SPTBN5: variants seen among roughly 807,000 people sequenced by gnomAD.
The protein encoded by SPTBN5 is spectrin beta, non-erythrocytic 5, also known as spectrin beta chain, non-erythrocytic 5.
In SPTBN5, 513 loss-of-function variants were observed where a neutral mutation model predicts 477.6. The ratio of observed to expected loss-of-function variants is 1.07; its 90% confidence interval spans 1.00 to 1.16. SPTBN5 has a LOEUF of 1.16. SPTBN5 is among the 50% of genes most tolerant of loss of function. The probability of loss-of-function intolerance (pLI) is 0.00; values close to 1 mark genes in which losing one functional copy is unlikely to be tolerated. For missense variants in SPTBN5, 5,062 were observed against 4,731.8 expected (o/e 1.07, Z -2.05); for synonymous variants, 2,169 against 2,011.7 (o/e 1.08, Z -2.09).
At chr15:41,890,929 G>A (rs749949780) in intron 3 of SPTBN5, among the ~76,000 whole-genome samples, 1 of 152,220 alleles carries the variant, frequency 6.6e-6, no homozygotes, top group Admixed American at 6.5e-5. Context: ...TAGCTCCAAG[G>A]CCCATGGGAT....
rs765641615 is a variant in SPTBN5, at chr15:41,864,002, A to G, written c.6941T>C (p.Ile2314Thr). 3.1e-6 allele frequency: 5 copies of G among 1,613,372 alleles called. No individual in the cohort carries two copies. The highest frequency in any genetic ancestry group is 4.2e-6 in the Non-Finnish European group (5 of 1,179,830). The part of the protein sequence containing the change: ...SAGDTVGDAC[I>T]RSISDLSLQL... ...CAGTGACAAGTCACTGATGCTCCTG[A>G]TGCAGGCATCACCCACTGTGTCCTG... The change falls in exon 40 of 68, where the codon ATC (isoleucine) becomes ACC (threonine). Residue 2314 changes from isoleucine to threonine, a missense_variant. Transcript: ENST00000320955.
chr15:41,880,770 T>C (rs1019010122), intron 13 of SPTBN5, among the ~76,000 whole-genome samples: 9 of 152,242 alleles, frequency 5.9e-5, no homozygotes, highest in African/African-American at 1.9e-4. Flanking sequence ...TGGGTTTACC[T>C]GCTTTCTGTT....
At chr15:41,870,928 G>A (rs1244713336) in intron 29 of SPTBN5, among the ~76,000 whole-genome samples, 1 of 152,244 alleles carries the variant, frequency 6.6e-6, no homozygotes, top group East Asian at 1.9e-4. Flanking sequence ...AACTGGCTGA[G>A]CTCCTAAGGC....
intron 62 of SPTBN5, 81 bp from the exon 63 acceptor site, chr15:41,851,931 C>G (rs946901165): frequency 4.0e-5 from 46 of 1,140,642 alleles, no homozygotes; most frequent in Non-Finnish European, 5.7e-5. Context: ...GCCCCCAGCT[C>G]TCTTTATTCC....
At chr15:41,853,496 G>A (rs752338741) in intron 58 of SPTBN5, 49 bp from the exon 59 acceptor site, 2 of 1,540,772 alleles carry the variant, frequency 1.3e-6, no homozygotes, top group South Asian at 2.4e-5. Context: ...GGGGAGCAGG[G>A]GAGGGAGGGT....
At chr15:41,869,030 C>T (rs986013739) in intron 32 of SPTBN5, among the ~76,000 whole-genome samples, 1 of 152,218 alleles carries the variant, frequency 6.6e-6, no homozygotes, top group Non-Finnish European at 1.5e-5. Context: ...CATTGCACTG[C>T]TCTCCTTGTT....
rs1435697601 is a variant in SPTBN5 at position 41,856,431 on chromosome 15, C to T, written c.8976G>A (p.Arg2992=). The part of the protein sequence containing the change: ...AHLRAEAARR[R]LLLQQAQEAQ... The stretch of plus-strand genomic sequence containing the variant: ...CCTCCTGAGCCTGCTGCAGCAGAAG[C>T]CGCCTCCGCGCCGCCTCTGCCCGCA... Residue 2992 remains arginine (R), a synonymous_variant, in exon 53 of 68, where the codon CGG becomes CGA. Coordinates refer to ENST00000320955, the MANE Select transcript of SPTBN5 (RefSeq NM_016642.4). The T allele has an allele frequency of 6.3e-7, 1 of 1,593,474 alleles. No homozygotes were observed. Among genetic ancestry groups the T allele is most frequent in the East Asian group, 2.3e-5 (1 of 44,206 alleles).
Position 41,886,503 on chromosome 15 carries a change from C to T in SPTBN5, c.889-137G>A, listed in dbSNP as rs1488546225. On this transcript the variant is annotated intron_variant, in intron 6 of 67. Coordinates refer to ENST00000320955, the MANE Select transcript of SPTBN5 (RefSeq NM_016642.4). ...AAGATGCTTTGAAGTGGTGGTACCC[C>T]CACCCCAGAGAACTGGGTTTGCTTG... 5 of 1,016,024 alleles carry T rather than the reference C, an allele frequency of 4.9e-6. No homozygotes were observed. In the African/African-American group the frequency reaches 6.5e-5, roughly 13 times the overall value. 62.9% of individuals were successfully genotyped at this position (1,016,024 alleles called of 1,614,324 possible).
In SPTBN5 at chr15:41,871,396, C is replaced by T. The variant is rs757454069; in HGVS notation, c.5426G>A (p.Arg1809His). The T allele has an allele frequency of 2.2e-5, 33 of 1,471,702 alleles. No individual in the cohort carries two copies. The Admixed American group carries it at 4.5e-4, about 20-fold the overall frequency. The allele number at this position is 1,471,702 out of a possible 1,614,324, so 91.2% of individuals were successfully genotyped here. A position where few individuals can be genotyped will look rare whatever the true frequency, so the allele number is the denominator to read the frequency against. The part of the protein sequence containing the change: ...ERGHSAGPMV[R>H]QRQQDLQTAW... ...TCACTGCAGATCCTGCTGCCTCTGA[C>T]GGACCATGGGGCCAGCACTGTGCCC... The change falls in exon 29 of 68, where the codon CGT becomes CAT. Residue 1809 changes from arginine (R) to histidine (H), a missense_variant. Coordinates refer to ENST00000320955, the MANE Select transcript of SPTBN5 (RefSeq NM_016642.4).
At position 41,876,894 on chromosome 15, in the gene SPTBN5, G is replaced by A; in HGVS notation, c.3766C>T (p.Leu1256Phe). 6.2e-7 allele frequency: 1 copy of A among 1,610,486 alleles called. No homozygotes were observed. The highest frequency in any genetic ancestry group is 8.5e-7 in the Non-Finnish European group (1 of 1,179,750). Residue 1256 changes from leucine to phenylalanine, a missense_variant, in exon 19 of 68, where the codon CTC becomes TTC. Leu to Phe is a conservative substitution (Grantham distance 22). Coordinates refer to ENST00000320955, the MANE Select transcript of SPTBN5 (RefSeq NM_016642.4). ...GCCCGAGGCCCCAGGGTGCTCAGGA[G>A]CCGCCCAAACTCCCGGTGCTGCTGC... ...LLQQHREFGR[L>F]LSTLGPRAEA...
At position 41,876,658 on chromosome 15, in the gene SPTBN5, G is replaced by C. The variant is rs1567217394; in HGVS notation, c.3852-11C>G. On this transcript the variant is annotated splice_polypyrimidine_tract_variant and intron_variant, in intron 19 of 67. Transcript: ENST00000320955. ...AGCTGCTCTCTGACCCTGGAGGGCGGGGGGGGGTTGGAGGAGGGCATGGGA... is the reference window on the plus strand; with the variant it reads ...AGCTGCTCTCTGACCCTGGAGGGCGCGGGGGGGTTGGAGGAGGGCATGGGA... 6.9e-7 allele frequency: 1 copy of C among 1,458,264 alleles called. No homozygotes were observed. Among genetic ancestry groups the C allele is most frequent in the East Asian group, 2.3e-5 (1 of 42,840 alleles). The allele number at this position is 1,458,264 out of a possible 1,614,324, so 90.3% of individuals were successfully genotyped here.
At chr15:41,862,953 T>A (rs1279542109) in intron 41 of SPTBN5, 50 bp from the exon 42 acceptor site, 10 of 1,516,102 alleles carry the variant, frequency 6.6e-6, no homozygotes, top group Non-Finnish European at 8.9e-6. Context: ...CTTCGGCTCC[T>A]CCTTCCTGGC....
intron 5 of SPTBN5, 105 bp downstream of exon 5, chr15:41,887,823 C>T: frequency 2.5e-6 from 3 of 1,193,712 alleles, no homozygotes; most frequent in Non-Finnish European, 3.5e-6. Context: ...GTCCACTTTC[C>T]CTCCTTCAAG....
chr15:41,854,818 C>A lies in SPTBN5; in HGVS notation c.9582G>T (p.Trp3194Cys). The A allele has an allele frequency of 1.3e-6, 2 of 1,582,852 alleles. No homozygotes were observed. The highest frequency in any genetic ancestry group is 1.7e-6 in the Non-Finnish European group (2 of 1,165,818). ...CTTTTATTGCTTGGTCCAACCTCTCCCAAGCAGCCTCAATGCGGCTCCTCT... is the reference window on the plus strand; with the variant it reads ...CTTTTATTGCTTGGTCCAACCTCTCACAAGCAGCCTCAATGCGGCTCCTCT... ...QAQRSRIEAA[W>C]ERLDQAIKAR... The change falls in exon 56 of 68, where the codon TGG becomes TGT. Residue 3194 changes from tryptophan to cysteine, a missense_variant. Transcript: ENST00000320955.
At chr15:41,865,928 G>A (rs963910252) in intron 38 of SPTBN5, 25 bp from the exon 39 acceptor site, 37 of 1,552,860 alleles carry the variant, frequency 2.4e-5, no homozygotes, top group Non-Finnish European at 3.0e-5. Context: ...GGTGGGGAGG[G>A]AGCGCTGTGA....
chr15:41,854,985 G>A lies in SPTBN5; in HGVS notation c.9424-9C>T, dbSNP rs999768476. 29 of 1,532,268 alleles carry A rather than the reference G, an allele frequency of 1.9e-5. No homozygotes were observed. Among genetic ancestry groups the A allele is most frequent in the Non-Finnish European group, 2.4e-5 (27 of 1,139,490 alleles). The allele number at this position is 1,532,268 out of a possible 1,614,324, so 94.9% of individuals were successfully genotyped here. On this transcript the variant is annotated splice_polypyrimidine_tract_variant and intron_variant, in intron 55 of 67. Transcript: ENST00000320955. ...AACTTCTCTTCCAGCACCTGCAAAG[G>A]TATGAGGCCCAGCAGGGTCACTTGA...
intron 55 of SPTBN5, 52 bp downstream of exon 55, chr15:41,855,172 C>T: frequency 6.4e-7 from 1 of 1,555,914 alleles, no homozygotes; most frequent in African/African-American, 1.4e-5. Flanking sequence ...CCAGGGCAGG[C>T]CTTCCTCAGC....
rs757050881 is a variant in SPTBN5 at position 41,893,418 on chromosome 15, C to G, written c.80G>C (p.Arg27Pro). The G allele has an allele frequency of 6.2e-7, 1 of 1,613,136 alleles. No individual in the cohort carries two copies. The highest frequency in any genetic ancestry group is 8.5e-7 in the Non-Finnish European group (1 of 1,179,828). The change falls in exon 2 of 68, where the codon CGG (arginine) becomes CCG (proline). Residue 27 changes from arginine (R) to proline (P), a missense_variant. Coordinates refer to ENST00000320955, the MANE Select transcript of SPTBN5 (RefSeq NM_016642.4). ...HRSRRPSTEL[R>P]VPPSPSLTMD... ...GGTGAGACTTGGACTGGGCGGGACC[C>G]GGAGTTCTGTGCTGGGCCTCCTGCT... is the stretch of plus-strand genomic sequence containing the variant.
At chr15:41,874,120 A>T (rs2066636770) in intron 24 of SPTBN5, 75 bp from the exon 25 acceptor site, 2 of 1,517,140 alleles carry the variant, frequency 1.3e-6, no homozygotes, top group South Asian at 2.3e-5. Flanking sequence ...ATGTGGCTCC[A>T]GGCCCCAATC....
Sources: allele counts gnomAD v4.1 joint callset (sites outside exome capture counted in the v4.1 genomes callset), GRCh38; gene constraint gnomAD v4.1.1; transcripts MANE v1.5; gene names NCBI Gene and HGNC (gene_info 2026-07-23, HGNC 2026-07-21).